Variants in NT5C2 observed in about 807,000 individuals in gnomAD.
The protein encoded by NT5C2 is cytosolic purine 5'-nucleotidase.
Under a neutral mutation model 76.1 loss-of-function variants are expected in NT5C2, and 58 were observed. The observed-to-expected ratio is 0.76, with a 90% CI of 0.62 to 0.95. The LOEUF (loss-of-function observed/expected upper bound fraction) is 0.95, where lower values mean the gene tolerates loss of function less well. Ranked by LOEUF, NT5C2 falls within the 40% of genes least tolerant of loss-of-function variation. NT5C2 has a pLI of 0.00. For synonymous variants in NT5C2, 229 were observed against 237.4 expected (o/e 0.96, Z 0.32); for missense variants, 478 against 690.3 (o/e 0.69, Z 3.45).
chr10:103,106,221 A>T (rs2071230689), intron 5 of NT5C2, among the ~76,000 whole-genome samples: 1 of 152,226 alleles, frequency 6.6e-6, no homozygotes, highest in Non-Finnish European at 1.5e-5. Context: ...TATCAAATCC[A>T]GAAATGGAAA....
rs2081441565 is a variant in NT5C2, at chr10:103,146,159, T to A, written c.102-6680A>T. The A allele has an allele frequency of 4.1e-6, 4 of 985,306 alleles. No homozygotes were observed. In the South Asian group the frequency reaches 1.4e-4, roughly 35 times the overall value. The allele number at this position is 985,306 out of a possible 1,614,324, so 61.0% of individuals were successfully genotyped here. ...TTTTGTGACTTAACTTCAAGAAGTT[T>A]AACCTGAATCAGGCCCCTCAAAAGC... On this transcript the variant is annotated intron_variant, in intron 3 of 18. Coordinates refer to ENST00000404739, the MANE Select transcript of NT5C2 (RefSeq NM_001351169.2).
At chr10:103,124,134 CCTTT>C (rs780066072) in intron 4 of NT5C2, among the ~76,000 whole-genome samples, 3 of 152,204 alleles carry the variant, frequency 2.0e-5, no homozygotes, top group Non-Finnish European at 4.4e-5. Context: ...ACTATTTCTT[CCTTT>C]CTTATTGTTT....
chr10:103,104,332 G>A (rs868380643), intron 6 of NT5C2, among the ~76,000 whole-genome samples: 2 of 152,174 alleles, frequency 1.3e-5, no homozygotes, highest in Non-Finnish European at 1.5e-5. Context: ...AAATTTGATC[G>A]TAGTACTAAC....
chr10:103,158,058 C>T (rs368793268), intron 3 of NT5C2, among the ~76,000 whole-genome samples: 4 of 149,390 alleles, frequency 2.7e-5, no homozygotes, highest in East Asian at 3.9e-4. Flanking sequence ...GACAACAGAG[C>T]GAGACTCCAT....
chr10:103,160,592 A>C (rs1217403015), intron 3 of NT5C2, among the ~76,000 whole-genome samples: 2 of 152,206 alleles, frequency 1.3e-5, no homozygotes, highest in African/African-American at 4.8e-5. Flanking sequence ...CAAAACACCT[A>C]AACAGACACT....
chr10:103,132,114 C>T (rs1300614183), intron 4 of NT5C2, among the ~76,000 whole-genome samples: 2 of 151,712 alleles, frequency 1.3e-5, no homozygotes, highest in Non-Finnish European at 2.9e-5. Flanking sequence ...GTGATGCATG[C>T]CTGTAACCCC....
chr10:103,175,264 G>A (rs1415154523), intron 2 of NT5C2, among the ~76,000 whole-genome samples: 2 of 152,104 alleles, frequency 1.3e-5, no homozygotes, highest in African/African-American at 2.4e-5. Context: ...CTAGATTCTA[G>A]AAAAGGCACT....
intron 3 of NT5C2, among the ~76,000 whole-genome samples, chr10:103,170,048 A>G (rs1365598193): frequency 6.6e-6 from 1 of 151,962 alleles, no homozygotes; most frequent in Non-Finnish European, 1.5e-5. Flanking sequence ...CTTGAACCAG[A>G]CCCAGGAGGC....
intron 4 of NT5C2, among the ~76,000 whole-genome samples, chr10:103,118,954 T>A (rs1022258886): frequency 6.6e-6 from 1 of 152,108 alleles, no homozygotes; most frequent in Admixed American, 6.5e-5. Flanking sequence ...AGAAAAAAGA[T>A]CACTAAGGGA....
At chr10:103,153,437 A>C in intron 3 of NT5C2, 1 of 1,144,626 alleles carries the variant, frequency 8.7e-7, no homozygotes, top group Non-Finnish European at 1.1e-6. Context: ...ATTTGGGCAC[A>C]ATGCCGAACC....
intron 3 of NT5C2, among the ~76,000 whole-genome samples, chr10:103,150,950 A>G (rs1366006317): frequency 1.3e-5 from 2 of 152,150 alleles, no homozygotes; most frequent in African/African-American, 4.8e-5. Context: ...CAGGAATTTG[A>G]TTTTTTAAAT....
Position 103,123,537 on chromosome 10 carries a change from G to C in NT5C2, c.175+15869C>G, listed in dbSNP as rs1399594270. ...GCCTTATTTTTGTACAATGTTGCTA[G>C]TAATCCCTACCTCAGCAGGCTGTGG... On this transcript the variant is annotated intron_variant, in intron 4 of 18. Transcript: ENST00000404739. Among the ~76,000 whole-genome samples, 7 of 152,136 alleles carry C rather than the reference G, an allele frequency of 4.6e-5. No individual in the cohort carries two copies. In the East Asian group the frequency reaches 1.3e-3, roughly 29 times the overall value.
chr10:103,159,537 T>C (rs147457155), intron 3 of NT5C2, among the ~76,000 whole-genome samples: 1 of 152,022 alleles, frequency 6.6e-6, no homozygotes, highest in African/African-American at 2.4e-5. Context: ...TAGTCCTAGC[T>C]ACTTGAGAAG....
At chr10:103,136,212 C>T (rs1004462804) in intron 4 of NT5C2, among the ~76,000 whole-genome samples, 1 of 152,092 alleles carries the variant, frequency 6.6e-6, no homozygotes, top group Non-Finnish European at 1.5e-5. Flanking sequence ...TGTCATTATC[C>T]AAAATGATCA....
In NT5C2 at chr10:103,163,798, C is replaced by T. The variant is rs866305885; in HGVS notation, c.101+11060G>A. The stretch of plus-strand genomic sequence containing the variant: ...TTGGGAGGCTGAGGCAGGTGAATCA[C>T]TTGAGGTCAGGAGTTCAAGACCAGC... On this transcript the variant is annotated intron_variant, in intron 3 of 18. Coordinates refer to ENST00000404739, the MANE Select transcript of NT5C2 (RefSeq NM_001351169.2). Among the ~76,000 whole-genome samples the T allele has an allele frequency of 8.3e-5, 12 of 145,410 alleles. No individual in the cohort carries two copies. In the South Asian group the frequency reaches 2.4e-3, roughly 30 times the overall value.
chr10:103,090,624 G>T lies in NT5C2; in HGVS notation c.1436C>A (p.Ala479Asp). The stretch of plus-strand genomic sequence containing the variant: ...GCTTTAACTCACCAAGACATGGGCA[G>T]CCCTGAAGAGGTAGCTGAAAGGGTA... ...LYYPFSYLFR[A>D]AHVLMPHEST... The change falls in exon 18 of 19, where the codon GCT becomes GAT. Residue 479 changes from alanine to aspartate, a missense_variant. By Grantham distance (126) the Ala-to-Asp change is moderately radical. Transcript: ENST00000404739. 4 of 1,613,760 alleles carry T rather than the reference G, an allele frequency of 2.5e-6. No homozygotes were observed. Among genetic ancestry groups the T allele is most frequent in the Non-Finnish European group, 3.4e-6 (4 of 1,179,832 alleles).
At chr10:103,182,487 T>G (rs34747231) in intron 1 of NT5C2, among the ~76,000 whole-genome samples, 12,663 of 151,504 alleles carry the variant, frequency 0.084, 818 homozygotes, top group East Asian at 0.28. Flanking sequence ...ATATAAAAAG[T>G]AGCCAGGCGT....
intron 4 of NT5C2, among the ~76,000 whole-genome samples, chr10:103,116,124 C>CT (rs2074277081): frequency 6.6e-6 from 1 of 151,738 alleles, no homozygotes; most frequent in African/African-American, 2.4e-5. Flanking sequence ...ATTTAAATGC[C>CT]TTTTTAAAAA....
intron 3 of NT5C2, among the ~76,000 whole-genome samples, 163 bp downstream of exon 3, chr10:103,174,695 T>C (rs952321430): frequency 2.6e-5 from 4 of 152,220 alleles, no homozygotes; most frequent in African/African-American, 9.6e-5. Flanking sequence ...CAGTATGGTG[T>C]ACTAGTAGTT....
Sources: allele counts gnomAD v4.1 joint callset (sites outside exome capture counted in the v4.1 genomes callset), GRCh38; gene constraint gnomAD v4.1.1; transcripts MANE v1.5; gene names NCBI Gene and HGNC (gene_info 2026-07-23, HGNC 2026-07-21).